The following TRIM13 variants were observed in gnomAD, a reference collection of about 807,000 sequenced individuals.
TRIM13 encodes tripartite motif containing 13, also known as E3 ubiquitin-protein ligase TRIM13.
Under a neutral mutation model 27.1 loss-of-function variants are expected in TRIM13, and 15 were observed. That is an observed-to-expected ratio of 0.55 (90% CI 0.37 to 0.85). The LOEUF is 0.85. Ranked by LOEUF, TRIM13 falls within the 40% of genes least tolerant of loss-of-function variation. The probability of loss-of-function intolerance (pLI) is 0.00; values close to 1 mark genes in which losing one functional copy is unlikely to be tolerated. For missense variants in TRIM13, 402 were observed against 472.2 expected (o/e 0.85, Z 1.38); for synonymous variants, 193 against 171.5 (o/e 1.13, Z -0.98).
rs1594595792 is a variant in TRIM13, at chr13:50,016,457, T to C, written c.*3293T>C. ...ACATAAAGGCTCGCTCACTGGTTTC[T>C]CTTGAGTTCCTTACACACTATATAA... is the stretch of plus-strand genomic sequence containing the variant. On this transcript the variant is annotated 3_prime_UTR_variant, in exon 2 of 2. Transcript: ENST00000378182. The C allele has an allele frequency of 4.9e-6, 1 of 206,100 alleles. No homozygotes were observed. Among genetic ancestry groups the C allele is most frequent in the East Asian group, 1.4e-4 (1 of 7,154 alleles). 12.8% of individuals were successfully genotyped at this position (206,100 alleles called of 1,614,324 possible).
chr13:50,015,250 AT>A lies in TRIM13; in HGVS notation c.*2089del. On this transcript the variant is annotated 3_prime_UTR_variant, in exon 2 of 2. Coordinates refer to ENST00000378182, the MANE Select transcript of TRIM13 (RefSeq NM_213590.3). Reference sequence around the variant, plus strand: ...ATATATTGGCAGTTTTCCTTAAGCTATTTAGTTCCTCATCTGTTGCTTTTTC... The same window carrying A: ...ATATATTGGCAGTTTTCCTTAAGCTATTAGTTCCTCATCTGTTGCTTTTTC... 2.8e-6 allele frequency: 1 copy of A among 356,008 alleles called. No homozygotes were observed. Among genetic ancestry groups the A allele is most frequent in the Non-Finnish European group, 5.3e-6 (1 of 190,234 alleles). The allele number at this position is 356,008 out of a possible 1,614,324, so 22.1% of individuals were successfully genotyped here.
intron 1 of TRIM13, among the ~76,000 whole-genome samples, chr13:50,005,745 T>G (rs1339761480): frequency 1.3e-5 from 2 of 150,960 alleles, no homozygotes; most frequent in South Asian, 2.1e-4. Flanking sequence ...ATTTAGTTTT[T>G]TTTTTTTTTT....
At position 50,014,484 on chromosome 13, in the gene TRIM13, C is replaced by A. The variant is rs560167361; in HGVS notation, c.*1320C>A. Reference sequence around the variant, plus strand: ...TCTGGCAGCTATGTGTTGTTTTGTTCGAAAGATGGCAAGTGTACAACCAAA... The same window carrying A: ...TCTGGCAGCTATGTGTTGTTTTGTTAGAAAGATGGCAAGTGTACAACCAAA... On this transcript the variant is annotated 3_prime_UTR_variant, in exon 2 of 2. Coordinates refer to ENST00000378182, the MANE Select transcript of TRIM13 (RefSeq NM_213590.3). 1 of 165,314 alleles carries A rather than the reference C, an allele frequency of 6.0e-6. No homozygotes were observed. Among genetic ancestry groups the A allele is most frequent in the East Asian group, 1.9e-4 (1 of 5,142 alleles). The allele number at this position is 165,314 out of a possible 1,614,324, so 10.2% of individuals were successfully genotyped here.
chr13:49,999,927 A>G (rs966515863), intron 1 of TRIM13, among the ~76,000 whole-genome samples: 1 of 152,198 alleles, frequency 6.6e-6, no homozygotes, highest in Non-Finnish European at 1.5e-5. Context: ...TGTGATGCCT[A>G]GTTTGCTGTG....
chr13:50,003,751 A>G (rs949153658), intron 1 of TRIM13, among the ~76,000 whole-genome samples: 2 of 152,180 alleles, frequency 1.3e-5, no homozygotes, highest in African/African-American at 4.8e-5. Context: ...TAGCTTGACA[A>G]TTTGTTCAAA....
chr13:50,017,776 C>CA lies in TRIM13; in HGVS notation c.*4614dup, dbSNP rs1473293207. 6.0e-6 allele frequency: 1 copy of CA among 166,966 alleles called. No homozygotes were observed. The highest frequency in any genetic ancestry group is 1.9e-4 in the East Asian group (1 of 5,198). The allele number at this position is 166,966 out of a possible 1,614,324, so 10.3% of individuals were successfully genotyped here. ...TTTTAGTATATAATTGCCTAATTAG[C>CA]AATCATTTTTATTTTTTGCTCACTC... On this transcript the variant is annotated 3_prime_UTR_variant, in exon 2 of 2. Transcript: ENST00000378182.
chr13:49,997,831 C>T (rs1873422920), intron 1 of TRIM13, 68 bp downstream of exon 1: 2 of 151,786 alleles, frequency 1.3e-5, no homozygotes, highest in Admixed American at 1.3e-4. Flanking sequence ...GGCCCTAGAA[C>T]CTTCCAAAAT....
intron 1 of TRIM13, among the ~76,000 whole-genome samples, chr13:49,998,589 A>G (rs1873567005): frequency 6.6e-6 from 1 of 151,806 alleles, no homozygotes; most frequent in Non-Finnish European, 1.5e-5. Context: ...CACACATCAC[A>G]CAGGAGTTGA....
chr13:50,011,387 A>T (rs1414378932), intron 1 of TRIM13, among the ~76,000 whole-genome samples: 1 of 152,088 alleles, frequency 6.6e-6, no homozygotes, highest in South Asian at 2.1e-4. Context: ...GTGAATTGCA[A>T]CTCTCATCTT....
At chr13:50,000,791 C>A in intron 1 of TRIM13, among the ~76,000 whole-genome samples, 1 of 152,190 alleles carries the variant, frequency 6.6e-6, no homozygotes, top group East Asian at 1.9e-4. Context: ...TAAGAAGACA[C>A]AAAAGCTAGT....
At position 49,997,773 on chromosome 13, in the gene TRIM13, A is replaced by C. The variant is rs1299986970; in HGVS notation, c.-7+10A>C. The stretch of plus-strand genomic sequence containing the variant: ...CTTGTAGGAGACAGAGGTAAACTAC[A>C]ATAATTTTCCTGTGTTATCTTTTTT... On this transcript the variant is annotated intron_variant, in intron 1 of 1. Coordinates refer to ENST00000378182, the MANE Select transcript of TRIM13 (RefSeq NM_213590.3). 1 of 139,852 alleles carries C rather than the reference A, an allele frequency of 7.2e-6. No homozygotes were observed. The highest frequency in any genetic ancestry group is 1.5e-5 in the Non-Finnish European group (1 of 65,350). The allele number at this position is 139,852 out of a possible 1,614,324, so 8.7% of individuals were successfully genotyped here. A position where few individuals can be genotyped will look rare whatever the true frequency, so the allele number is the denominator to read the frequency against.
chr13:49,997,761 G>A lies in TRIM13; in HGVS notation c.-9G>A, dbSNP rs1007003235. 19 of 151,172 alleles carry A rather than the reference G, an allele frequency of 1.3e-4. No individual in the cohort carries two copies. The highest frequency in any genetic ancestry group is 3.4e-3 in the Middle Eastern group (1 of 290). 9.4% of individuals were successfully genotyped at this position (151,172 alleles called of 1,614,324 possible). A position where few individuals can be genotyped will look rare whatever the true frequency, so the allele number is the denominator to read the frequency against. On this transcript the variant is annotated splice_region_variant and 5_prime_UTR_variant, in exon 1 of 2. Transcript: ENST00000378182. ...CAAATACATCAGCTTGTAGGAGACA[G>A]AGGTAAACTACAATAATTTTCCTGT...
At position 50,014,274 on chromosome 13, in the gene TRIM13, G is replaced by A. The variant is rs1252841929; in HGVS notation, c.*1110G>A. Reference sequence around the variant, plus strand: ...TATTTGAGGCTAGGAGTTCCAGTTCGAAACCAGCTTCGTAAACATAGCAAG... The same window carrying A: ...TATTTGAGGCTAGGAGTTCCAGTTCAAAACCAGCTTCGTAAACATAGCAAG... On this transcript the variant is annotated 3_prime_UTR_variant, in exon 2 of 2. Transcript: ENST00000378182. The A allele has an allele frequency of 4.1e-5, 5 of 121,640 alleles. No individual in the cohort carries two copies. The highest frequency in any genetic ancestry group is 6.9e-5 in the African/African-American group (2 of 29,194). 7.5% of individuals were successfully genotyped at this position (121,640 alleles called of 1,614,324 possible). A position where few individuals can be genotyped will look rare whatever the true frequency, so the allele number is the denominator to read the frequency against.
rs190724926 is a variant in TRIM13 at position 50,016,887 on chromosome 13, G to A, written c.*3723G>A. The stretch of plus-strand genomic sequence containing the variant: ...ACTTTTTTTTTTTTTTTTGGTAAAG[G>A]TAGGCGTATTTTAAGATATTTTCTT... On this transcript the variant is annotated 3_prime_UTR_variant, in exon 2 of 2. Coordinates refer to ENST00000378182, the MANE Select transcript of TRIM13 (RefSeq NM_213590.3). 1 of 163,036 alleles carries A rather than the reference G, an allele frequency of 6.1e-6. No individual in the cohort carries two copies. The highest frequency in any genetic ancestry group is 6.7e-5 in the Admixed American group (1 of 14,880). 10.1% of individuals were successfully genotyped at this position (163,036 alleles called of 1,614,324 possible).
chr13:50,001,876 TGAA>T (rs1210071963), intron 1 of TRIM13, among the ~76,000 whole-genome samples: 1 of 152,148 alleles, frequency 6.6e-6, no homozygotes, highest in Non-Finnish European at 1.5e-5. Flanking sequence ...TCTAAAAGAA[TGAA>T]GAGTAATAAC....
chr13:50,009,454 C>A (rs1026524078), intron 1 of TRIM13, among the ~76,000 whole-genome samples: 1 of 151,794 alleles, frequency 6.6e-6, no homozygotes, highest in South Asian at 2.1e-4. Context: ...AAAAAATCCA[C>A]GGCCAGGCGC....
intron 1 of TRIM13, among the ~76,000 whole-genome samples, chr13:49,997,994 A>G (rs1178081479): frequency 6.6e-6 from 1 of 152,182 alleles, no homozygotes; most frequent in Non-Finnish European, 1.5e-5. Context: ...TCATATTACA[A>G]AGGAAGAAAG....
Position 50,012,098 on chromosome 13 carries a change from A to G in TRIM13, c.158A>G (p.Lys53Arg). The change falls in exon 2 of 2, where the codon AAG (lysine) becomes AGG (arginine). Residue 53 changes from lysine (K) to arginine (R), a missense_variant. By Grantham distance (26) the Lys-to-Arg change is conservative (BLOSUM62 2). Around this residue, in one of 2 missense-constraint regions of TRIM13, gnomAD observed 202 missense variants for 277.5 expected, o/e 0.73. Coordinates refer to ENST00000378182, the MANE Select transcript of TRIM13 (RefSeq NM_213590.3). ...TCCTTGTGGAGACCAGCTCCATTCA[A>G]GTGTCCTACATGCCGTAAGGAAACT... is the stretch of plus-strand genomic sequence containing the variant. The part of the protein sequence containing the change: ...RNSLWRPAPF[K>R]CPTCRKETSA... 1 of 1,614,158 alleles carries G rather than the reference A, an allele frequency of 6.2e-7. No homozygotes were observed. Among genetic ancestry groups the G allele is most frequent in the Non-Finnish European group, 8.5e-7 (1 of 1,180,008 alleles).
intron 1 of TRIM13, among the ~76,000 whole-genome samples, chr13:50,005,735 ATT>A (rs527814829): frequency 7.5e-4 from 112 of 148,642 alleles, no homozygotes; most frequent in Admixed American, 1.9e-3. Context: ...AAAAGGAAAT[ATT>A]TAGTTTTTTT....
Sources: gnomAD v4.1 joint callset for allele counts (sites outside exome capture counted in the v4.1 genomes callset) on GRCh38, gnomAD v4.1.1 for gene constraint, gnomAD v4.1.1 regional missense constraint, MANE v1.5 for transcripts, NCBI Gene and HGNC (gene_info 2026-07-23, HGNC 2026-07-21) for gene names.